HDAC9: variants seen among roughly 807,000 people sequenced by gnomAD.
HDAC9 encodes the protein MEF-2 interacting transcription repressor (MITR) protein.
HDAC9 carries 41 observed loss-of-function variants against 139.4 expected under a neutral mutation model. That is an observed-to-expected ratio of 0.29 (90% confidence interval 0.23 to 0.38). The LOEUF (loss-of-function observed/expected upper bound fraction) is 0.38. Among genes scored for constraint, HDAC9 ranks in the 10% least tolerant of loss-of-function variants. The pLI is 1.00. For synonymous variants in HDAC9, 517 were observed against 476.2 expected (o/e 1.09, Z -1.12); for missense variants, 1,147 against 1,297.0 (o/e 0.88, Z 1.78).
At chr7:18,299,544 A>C (rs920772467) in intron 1 of HDAC9, among the ~76,000 whole-genome samples, 9 of 152,138 alleles carry the variant, frequency 5.9e-5, no homozygotes, top group African/African-American at 1.9e-4. Flanking sequence ...GGCTGCCATT[A>C]CTGATCTTTT....
intron 2 of HDAC9, among the ~76,000 whole-genome samples, chr7:18,218,872 A>G (rs1178376): frequency 0.039 from 5,889 of 152,262 alleles, 151 homozygotes; most frequent in African/African-American, 0.061. Flanking sequence ...TTTCTTGTCT[A>G]CAAATCCTTG....
chr7:18,155,116 T>C (rs1487045341), intron 1 of HDAC9, among the ~76,000 whole-genome samples: 1 of 151,438 alleles, frequency 6.6e-6, no homozygotes, highest in African/African-American at 2.4e-5. Flanking sequence ...TAACAACCTC[T>C]TTGCCATGAC....
intron 1 of HDAC9, among the ~76,000 whole-genome samples, chr7:18,149,992 C>T (rs1324243116): frequency 1.3e-5 from 2 of 152,088 alleles, no homozygotes; most frequent in Middle Eastern, 3.2e-3. Context: ...CTAAAGTGCT[C>T]AGCCATAATC....
chr7:18,716,287 A>G (rs537187668), intron 12 of HDAC9, among the ~76,000 whole-genome samples: 1 of 152,258 alleles, frequency 6.6e-6, no homozygotes, highest in Non-Finnish European at 1.5e-5. Flanking sequence ...TCTCTTGAAC[A>G]TTTTTTTCTA....
chr7:18,621,187 G>A (rs911543684), intron 6 of HDAC9, among the ~76,000 whole-genome samples: 6 of 151,770 alleles, frequency 4.0e-5, no homozygotes, highest in Non-Finnish European at 5.9e-5. Flanking sequence ...TAAGGAATAC[G>A]TAATTACCTG....
intron 24 of HDAC9, among the ~76,000 whole-genome samples, chr7:18,955,486 C>G (rs1275494581): frequency 6.6e-6 from 1 of 152,110 alleles, no homozygotes; most frequent in Non-Finnish European, 1.5e-5. Flanking sequence ...TTTTTCTGAG[C>G]ATTGTTTAGC....
intron 22 of HDAC9, among the ~76,000 whole-genome samples, chr7:18,899,706 A>G (rs965547895): frequency 6.6e-6 from 1 of 151,960 alleles, no homozygotes; most frequent in African/African-American, 2.4e-5. Flanking sequence ...TATTCAATGT[A>G]ATTTGTTATT....
chr7:18,088,128 TTAAGTAACTGTAGCATTTTGAA>T (rs1781910585), intron 1 of HDAC9: 1 of 152,206 alleles, frequency 6.6e-6, no homozygotes, highest in Non-Finnish European at 1.5e-5. Context: ...ACTTTCAGCT[TTAAGTAACTGTAGCATTTTGAA>T]ATCCTATAAG....
chr7:18,779,753 T>C lies in HDAC9; in HGVS notation c.2214+12598T>C, dbSNP rs144242453. On this transcript the variant is annotated intron_variant, in intron 16 of 25. Coordinates refer to ENST00000686413, the MANE Select transcript of HDAC9 (RefSeq NM_178425.4). ...TGGTAATGAGCACTGCACCACCCTG[T>C]GGGGTCACCTTGAGTAGATTCAGGT... 4.9e-3 allele frequency among the ~76,000 whole-genome samples: 740 copies of C among 152,128 alleles called. 3 individuals are homozygous for C. The highest frequency in any genetic ancestry group is 0.017 in the African/African-American group (708 of 41,530).
chr7:18,371,123 T>C (rs1358275217), intron 1 of HDAC9, among the ~76,000 whole-genome samples: 1 of 152,186 alleles, frequency 6.6e-6, no homozygotes, highest in East Asian at 1.9e-4. Context: ...AGGGGTAGGC[T>C]GCATACTTCA....
chr7:18,449,139 T>C (rs960914346), intron 1 of HDAC9, among the ~76,000 whole-genome samples: 1 of 152,120 alleles, frequency 6.6e-6, no homozygotes, highest in African/African-American at 2.4e-5. Flanking sequence ...CCAATAGAAA[T>C]GTTTACACTA....
chr7:18,667,894 G>A (rs1795271637), intron 12 of HDAC9: 2 of 983,416 alleles, frequency 2.0e-6, no homozygotes, highest in Non-Finnish European at 1.2e-6. Context: ...CTAGTTAAAG[G>A]TTCGTTGTAT....
chr7:18,973,297 G>C (rs1784361860), intron 24 of HDAC9, among the ~76,000 whole-genome samples: 1 of 152,132 alleles, frequency 6.6e-6, no homozygotes, highest in Non-Finnish European at 1.5e-5. Context: ...GTTTGTCAGA[G>C]TCCCCATGTT....
At chr7:18,154,705 CATTAAAGAAATGTG>C (rs1787044265) in intron 1 of HDAC9, among the ~76,000 whole-genome samples, 1 of 152,164 alleles carries the variant, frequency 6.6e-6, no homozygotes, top group Non-Finnish European at 1.5e-5. Context: ...TGAGTTGCAG[CATTAAAGAAATGTG>C]ATTAAAGAAA....
chr7:18,227,228 G>T (rs114423467), intron 2 of HDAC9, among the ~76,000 whole-genome samples: 2 of 152,210 alleles, frequency 1.3e-5, no homozygotes, highest in African/African-American at 4.8e-5. Context: ...TAGAGACTTT[G>T]TAATCCTTCT....
chr7:18,305,538 G>T (rs550855176), intron 1 of HDAC9, among the ~76,000 whole-genome samples: 1 of 152,088 alleles, frequency 6.6e-6, no homozygotes, highest in Non-Finnish European at 1.5e-5. Flanking sequence ...CAACCCATAT[G>T]TGTCCAAAGA....
At chr7:18,114,476 A>G (rs997758711) in intron 1 of HDAC9, among the ~76,000 whole-genome samples, 7 of 152,196 alleles carry the variant, frequency 4.6e-5, no homozygotes, top group African/African-American at 1.4e-4. Context: ...CATTTTTACT[A>G]TCAGTTGAAT....
At chr7:18,583,397 A>G (rs1828424734) in intron 2 of HDAC9, among the ~76,000 whole-genome samples, 1 of 152,108 alleles carries the variant, frequency 6.6e-6, no homozygotes, top group Non-Finnish European at 1.5e-5. Flanking sequence ...GTAAAGACTG[A>G]AGCATTTTGT....
chr7:18,471,711 A>G (rs1794738789), intron 1 of HDAC9, among the ~76,000 whole-genome samples: 1 of 151,964 alleles, frequency 6.6e-6, no homozygotes, highest in Non-Finnish European at 1.5e-5. Context: ...TTTAATTCTG[A>G]GAGATTGGGA....
Sources: allele counts gnomAD v4.1 joint callset (sites outside exome capture counted in the v4.1 genomes callset), GRCh38; gene constraint gnomAD v4.1.1; transcripts MANE v1.5; gene names NCBI Gene and HGNC (gene_info 2026-07-23, HGNC 2026-07-21).